The following ENOSF1 variants were observed in gnomAD, a reference collection of about 807,000 sequenced individuals.
The protein encoded by ENOSF1 is mitochondrial enolase superfamily member 1.
In ENOSF1, 73 loss-of-function variants were observed where a neutral mutation model predicts 68.2. That is an observed-to-expected ratio of 1.07 (90% confidence interval 0.89 to 1.30). The LOEUF is 1.30. Ranked by LOEUF, ENOSF1 falls within the 50% of genes most tolerant of loss-of-function variation. The pLI, the probability that ENOSF1 is intolerant of heterozygous loss-of-function variation, is 0.00. For synonymous variants in ENOSF1, 223 were observed against 210.4 expected, an observed-to-expected ratio of 1.06 and a Z score of -0.52; for missense variants, 589 against 554.5, an observed-to-expected ratio of 1.06 and a Z score of -0.62.
Position 683,304 on chromosome 18 carries a change from A to C in ENOSF1, c.818T>G (p.Leu273Trp). 1 of 1,614,160 alleles carries C rather than the reference A, an allele frequency of 6.2e-7. No individual in the cohort carries two copies. Residue 273 changes from leucine (L) to tryptophan (W), a missense_variant, in exon 11 of 16, where the codon TTG (leucine) becomes TGG (tryptophan). By Grantham distance (61) the Leu-to-Trp change is moderately conservative (BLOSUM62 -2). Transcript: ENST00000647584. ...WMSKLAKFKPLWIEEPTSPDD... is the reference protein window; with the variant it reads ...WMSKLAKFKPWWIEEPTSPDD... ...AGGGGAGGTTGGCTCCTCAATCCAC[A>C]ATGGCTTGAACTTGGCCAGCTTGGA... is the stretch of plus-strand genomic sequence containing the variant.
chr18:702,801 T>C (rs2078507105), intron 2 of ENOSF1, among the ~76,000 whole-genome samples: 1 of 152,132 alleles, frequency 6.6e-6, no homozygotes, highest in African/African-American at 2.4e-5. Context: ...TGAATATTAA[T>C]TAAGTAAATT....
intron 15 of ENOSF1, 117 bp from the exon 16 acceptor site, chr18:674,523 A>ATT: frequency 1.3e-4 from 71 of 554,008 alleles, no homozygotes; most frequent in Non-Finnish European, 1.6e-4. Flanking sequence ...CAATTAATTA[A>ATT]TTTTTTTTTT....
chr18:710,001 T>G (rs2079340005), intron 1 of ENOSF1, among the ~76,000 whole-genome samples: 1 of 152,188 alleles, frequency 6.6e-6, no homozygotes, highest in South Asian at 2.1e-4. Flanking sequence ...GATAAAATGC[T>G]TAAGTATTTA....
At chr18:692,846 G>C in intron 5 of ENOSF1, 1 of 1,079,608 alleles carries the variant, frequency 9.3e-7, no homozygotes, top group Non-Finnish European at 1.1e-6. Context: ...CCATGTCAGA[G>C]ACGATGTGAC....
At position 671,454 on chromosome 18, in the gene ENOSF1, A is replaced by G; in HGVS notation, c.*2851T>C. 2 of 1,601,258 alleles carry G rather than the reference A, an allele frequency of 1.2e-6. No homozygotes were observed. Among genetic ancestry groups the G allele is most frequent in the Non-Finnish European group, 1.7e-6 (2 of 1,169,286 alleles). On this transcript the variant is annotated 3_prime_UTR_variant, in exon 16 of 16. Coordinates refer to ENST00000647584, the MANE Select transcript of ENOSF1 (RefSeq NM_017512.7). Reference sequence around the variant, plus strand: ...ACATCGAGCCACTGAAAATTCAGGTAAGAATTAGATGTTATACTTTTGGGT... The same window carrying G: ...ACATCGAGCCACTGAAAATTCAGGTGAGAATTAGATGTTATACTTTTGGGT...
chr18:693,528 G>A, intron 5 of ENOSF1: 2 of 985,336 alleles, frequency 2.0e-6, no homozygotes, highest in Non-Finnish European at 2.4e-6. Context: ...TTTATGAGGT[G>A]CTTTTCTCAT....
chr18:691,025 C>T (rs776009843), intron 7 of ENOSF1, 43 bp downstream of exon 7: 4 of 1,608,272 alleles, frequency 2.5e-6, no homozygotes, highest in Non-Finnish European at 2.6e-6. Context: ...CAAAAGTGGA[C>T]AATGTTAGCA....
rs184938849 is a variant in ENOSF1, at chr18:695,386, C to T, written c.310-1052G>A. 1.7e-3 allele frequency among the ~76,000 whole-genome samples: 264 copies of T among 152,240 alleles called. 1 individual carries two copies. The highest frequency in any genetic ancestry group is 2.2e-3 in the Non-Finnish European group (151 of 68,016). The stretch of plus-strand genomic sequence containing the variant: ...ACTTGGGTAACTTAGTGTCCATTTG[C>T]TTTCTCCACTGTGAAGTTACCATTT... On this transcript the variant is annotated intron_variant, in intron 3 of 15. Coordinates refer to ENST00000647584, the MANE Select transcript of ENOSF1 (RefSeq NM_017512.7).
the ENOSF1 span, among the ~76,000 whole-genome samples, chr18:664,263 T>G: frequency 3.9e-4 from 59 of 151,752 alleles, no homozygotes; most frequent in Non-Finnish European, 7.5e-4. Flanking sequence ...CTAGGTATTT[T>G]ATTCTCTTTG....
chr18:699,301 A>G (rs2078069308), intron 2 of ENOSF1, among the ~76,000 whole-genome samples: 1 of 152,030 alleles, frequency 6.6e-6, no homozygotes, highest in South Asian at 2.1e-4. Context: ...ATCTCTACAA[A>G]AAATACAAAA....
chr18:665,207 G>A, the ENOSF1 span, among the ~76,000 whole-genome samples: 1 of 151,038 alleles, frequency 6.6e-6, no homozygotes, highest in Non-Finnish European at 1.5e-5. Context: ...CCTGTTATTG[G>A]TCTATTCAGA....
chr18:677,999 G>T, intron 12 of ENOSF1, 127 bp from the exon 13 acceptor site: 2 of 1,173,430 alleles, frequency 1.7e-6, no homozygotes, highest in South Asian at 1.6e-5. Flanking sequence ...AGCCCAGACT[G>T]TATTTCTTCT....
In ENOSF1 at chr18:670,535, CT is replaced by C; in HGVS notation, c.*3769del. On this transcript the variant is annotated 3_prime_UTR_variant, in exon 16 of 16. Transcript: ENST00000647584. Reference sequence around the variant, plus strand: ...AGTCTCCCTCAGCTCCGTGCCATCGCTGCAGAGGCTGTTATGGACATCACTG... The same window carrying C: ...AGTCTCCCTCAGCTCCGTGCCATCGCGCAGAGGCTGTTATGGACATCACTG... 1 of 716,254 alleles carries C rather than the reference CT, an allele frequency of 1.4e-6. No homozygotes were observed. The highest frequency in any genetic ancestry group is 1.9e-5 in the South Asian group (1 of 53,744). The allele number at this position is 716,254 out of a possible 1,614,324, so 44.4% of individuals were successfully genotyped here. A position where few individuals can be genotyped will look rare whatever the true frequency, so the allele number is the denominator to read the frequency against.
At chr18:694,224 C>CCA in intron 4 of ENOSF1, 24 bp downstream of exon 4, 1 of 1,611,728 alleles carries the variant, frequency 6.2e-7, no homozygotes, top group South Asian at 1.1e-5. Context: ...CAGGAGCCTC[C>CCA]TGAGCGTTTG....
At chr18:688,394 A>G (rs2076830251) in intron 9 of ENOSF1, 180 bp downstream of exon 9, 1 of 648,782 alleles carries the variant, frequency 1.5e-6, no homozygotes, top group African/African-American at 1.8e-5. Context: ...ATGAGGACTC[A>G]CATCCTGCCT....
chr18:701,509 C>T (rs1357445788), intron 2 of ENOSF1, among the ~76,000 whole-genome samples: 3 of 151,896 alleles, frequency 2.0e-5, no homozygotes, highest in African/African-American at 4.8e-5. Context: ...AATCCCAGCA[C>T]TTTGGGAGGT....
At chr18:692,865 G>C in intron 5 of ENOSF1, 3 of 1,097,532 alleles carry the variant, frequency 2.7e-6, no homozygotes, top group Middle Eastern at 4.4e-4. Flanking sequence ...ACAGCCTCCT[G>C]TCTTCACTTT....
intron 10 of ENOSF1, among the ~76,000 whole-genome samples, chr18:685,185 C>T (rs1056736164): frequency 6.6e-6 from 1 of 151,582 alleles, no homozygotes; most frequent in African/African-American, 2.4e-5. Flanking sequence ...TTGTATTTTT[C>T]GGTACAGATG....
chr18:666,962 GAGA>G (rs1260730327), downstream of ENOSF1, among the ~76,000 whole-genome samples: 90 of 21,570 alleles, frequency 4.2e-3, 5 homozygotes, highest in South Asian at 0.015. Flanking sequence ...GATGGAGATG[GAGA>G]TGGTGATGGA....
Sources: gnomAD v4.1 joint callset for allele counts (sites outside exome capture counted in the v4.1 genomes callset) on GRCh38, gnomAD v4.1.1 for gene constraint, MANE v1.5 for transcripts, NCBI Gene and HGNC (gene_info 2026-07-23, HGNC 2026-07-21) for gene names.